The following ACTN2 variants were observed in gnomAD, a reference collection of about 807,000 sequenced individuals.
The protein encoded by ACTN2 is alpha-actinin-2.
In ACTN2, 39 loss-of-function variants were observed where a neutral mutation model predicts 113.8. The observed-to-expected ratio is 0.34, with a 90% confidence interval of 0.27 to 0.45. The LOEUF is 0.45. Ranked by LOEUF, ACTN2 falls within the 20% of genes least tolerant of loss-of-function variation. The pLI is 1.00. For synonymous variants in ACTN2, 429 were observed against 444.1 expected, an observed-to-expected ratio of 0.97 and a Z score of 0.43; for missense variants, 992 against 1,177.9, an observed-to-expected ratio of 0.84 and a Z score of 2.31.
chr1:236,698,707 A>G (rs1657590535), intron 1 of ACTN2, among the ~76,000 whole-genome samples: 2 of 152,248 alleles, frequency 1.3e-5, no homozygotes, highest in Admixed American at 1.3e-4. Flanking sequence ...TCAGACAGTA[A>G]AAGTGATAAT....
intron 19 of ACTN2, 40 bp downstream of exon 19, chr1:236,759,829 T>C: frequency 6.3e-7 from 1 of 1,578,092 alleles, no homozygotes; most frequent in Non-Finnish European, 8.7e-7. Flanking sequence ...TTTGATATTT[T>C]ATTGAATTTG....
intron 4 of ACTN2, among the ~76,000 whole-genome samples, chr1:236,721,015 G>GGGTTT: frequency 1.2e-4 from 6 of 49,136 alleles, no homozygotes; most frequent in Non-Finnish European, 2.0e-4. Context: ...TCTGGTTTTT[G>GGGTTT]TTTTTTGTTT....
intron 12 of ACTN2, among the ~76,000 whole-genome samples, chr1:236,745,117 GA>G (rs1659187291): frequency 1.3e-5 from 2 of 152,126 alleles, no homozygotes; most frequent in Non-Finnish European, 2.9e-5. Flanking sequence ...AGCCTGTCCT[GA>G]AATCAACATA....
chr1:236,755,327 C>T (rs1385406154), intron 17 of ACTN2, 129 bp downstream of exon 17: 5 of 1,071,346 alleles, frequency 4.7e-6, no homozygotes, highest in Non-Finnish European at 1.4e-6. Context: ...AGTTAGGGAT[C>T]TTTAAGCCTT....
At chr1:236,686,872 G>A (rs1283422111) in intron 1 of ACTN2, 73 bp downstream of exon 1, 5 of 1,295,486 alleles carry the variant, frequency 3.9e-6, no homozygotes, top group Non-Finnish European at 2.9e-6. Context: ...GCGCGTGGCC[G>A]CGTGGCCTGG....
At chr1:236,707,361 G>A (rs1013027683) in intron 1 of ACTN2, among the ~76,000 whole-genome samples, 1 of 152,208 alleles carries the variant, frequency 6.6e-6, no homozygotes, top group African/African-American at 2.4e-5. Flanking sequence ...CATGAATTGT[G>A]CTAAGCAACA....
In ACTN2 at chr1:236,717,897, G is replaced by A. The variant is rs758034866; in HGVS notation, c.166G>A (p.Gly56Ser). The change falls in exon 2 of 21, where the codon GGC becomes AGC. Residue 56 changes from glycine to serine, a missense_variant. By Grantham distance (56) the Gly-to-Ser change is moderately conservative. This residue lies in a region of ACTN2 where 220 missense variants were observed against 337.5 expected (regional missense o/e 0.65). Coordinates refer to ENST00000366578, the MANE Select transcript of ACTN2 (RefSeq NM_001103.4). ...AWCNSHLRKA[G>S]TQIENIEEDF... ...GTGTAACTCCCACCTAAGGAAAGCC[G>A]GCACCCAGATTGAGAACATCGAGGA... 1.7e-5 allele frequency: 27 copies of A among 1,613,958 alleles called. No homozygotes were observed. The South Asian group carries it at 2.2e-4, about 13-fold the overall frequency.
rs1572087200 is a variant in ACTN2, at chr1:236,687,002, T to TGC, written c.126+212_126+213dup. Among the ~76,000 whole-genome samples, 4 of 151,722 alleles carry TGC rather than the reference T, an allele frequency of 2.6e-5. No individual in the cohort carries two copies. The South Asian group carries it at 6.2e-4, about 24-fold the overall frequency. ...GGCAGGACACTGGGCGTCGTGTGTG[T>TGC]GCGCGCGCGCTAGCAGCATCGGAGG... On this transcript the variant is annotated intron_variant, in intron 1 of 20. Transcript: ENST00000366578.
At chr1:236,737,297 G>GTATATATATATATAGA in intron 9 of ACTN2, 83 bp downstream of exon 9, 1 of 318,344 alleles carries the variant, frequency 3.1e-6, no homozygotes, top group Non-Finnish European at 6.4e-6. Flanking sequence ...CTCCGTGGGG[G>GTATATATATATATAGA]CATATATATA....
chr1:236,759,859 G>T, intron 19 of ACTN2, 70 bp downstream of exon 19: 2 of 1,477,660 alleles, frequency 1.4e-6, no homozygotes, highest in South Asian at 2.3e-5. Flanking sequence ...TATAAAAGAT[G>T]ACAAGCTCAA....
chr1:236,726,090 G>A, intron 5 of ACTN2, 70 bp downstream of exon 5: 2 of 1,357,764 alleles, frequency 1.5e-6, no homozygotes, highest in East Asian at 2.3e-5. Flanking sequence ...AACAGTGTTT[G>A]TGTGCACCCG....
intron 9 of ACTN2, 124 bp from the exon 10 acceptor site, chr1:236,739,178 C>T (rs1658987818): frequency 9.9e-7 from 1 of 1,010,300 alleles, no homozygotes; most frequent in Non-Finnish European, 1.6e-6. Context: ...CGTAGAGGTA[C>T]CACATCTCAG....
At chr1:236,761,599 A>G (rs901051415) in intron 20 of ACTN2, among the ~76,000 whole-genome samples, 7 of 152,216 alleles carry the variant, frequency 4.6e-5, no homozygotes, top group Non-Finnish European at 5.9e-5. Flanking sequence ...GTGCCCAGCC[A>G]TGGAGCAAAG....
At chr1:236,717,264 C>G (rs1157551810) in intron 1 of ACTN2, among the ~76,000 whole-genome samples, 1 of 151,966 alleles carries the variant, frequency 6.6e-6, no homozygotes, top group Non-Finnish European at 1.5e-5. Context: ...GGCAACATAG[C>G]AAGACCCCAT....
intron 19 of ACTN2, 99 bp downstream of exon 19, chr1:236,759,888 G>A: frequency 9.0e-7 from 1 of 1,110,770 alleles, no homozygotes; most frequent in African/African-American, 1.5e-5. Context: ...AGTGCATTTG[G>A]GATTGGTTCG....
chr1:236,718,753 T>C (rs765720816), intron 2 of ACTN2, 141 bp from the exon 3 acceptor site: 202 of 1,198,342 alleles, frequency 1.7e-4, no homozygotes, highest in Non-Finnish European at 2.3e-4. Context: ...TGCTGTGATT[T>C]AGAGAGACCA....
chr1:236,702,273 C>A (rs1356542143), intron 1 of ACTN2, among the ~76,000 whole-genome samples: 1 of 152,148 alleles, frequency 6.6e-6, no homozygotes, highest in Non-Finnish European at 1.5e-5. Context: ...TAGCCGACAT[C>A]ATTACAGACA....
intron 1 of ACTN2, among the ~76,000 whole-genome samples, chr1:236,703,433 C>CT (rs35432183): frequency 0.044 from 4,319 of 98,614 alleles, 71 homozygotes; most frequent in African/African-American, 0.07. Flanking sequence ...GGCCTACTAC[C>CT]TTTTTTTTTT....
intron 1 of ACTN2, among the ~76,000 whole-genome samples, chr1:236,711,994 T>C (rs943256059): frequency 2.0e-5 from 3 of 152,178 alleles, no homozygotes; most frequent in African/African-American, 7.2e-5. Context: ...ACATATGGCT[T>C]GGTAATCTGT....
Sources: allele counts gnomAD v4.1 joint callset (sites outside exome capture counted in the v4.1 genomes callset), GRCh38; gene constraint gnomAD v4.1.1; regional missense constraint gnomAD v4.1.1; transcripts MANE v1.5; gene names NCBI Gene and HGNC (gene_info 2026-07-23, HGNC 2026-07-21).